The following PCDHGB1 variants were observed in gnomAD, a reference collection of about 807,000 sequenced individuals.
PCDHGB1 encodes the protein protocadherin gamma subfamily B, 1.
PCDHGB1 carries 34 observed loss-of-function variants against 56.6 expected under a neutral mutation model. That is an observed-to-expected ratio of 0.60 (90% CI 0.46 to 0.80). PCDHGB1 has a LOEUF of 0.80. Among genes scored for constraint, PCDHGB1 ranks in the 30% least tolerant of loss-of-function variants. The pLI is 0.00. For missense variants in PCDHGB1, 1,278 were observed against 1,204.6 expected (o/e 1.06, Z -0.90); for synonymous variants, 561 against 505.9 (o/e 1.11, Z -1.46).
chr5:141,414,420 C>G, intron 1 of PCDHGB1: 1 of 1,613,822 alleles, frequency 6.2e-7, no homozygotes, highest in Non-Finnish European at 8.5e-7. Flanking sequence ...GAGCCCTTGA[C>G]AGGGAACAGG....
At chr5:141,355,249 T>G in intron 1 of PCDHGB1, 1 of 1,613,288 alleles carries the variant, frequency 6.2e-7, no homozygotes, top group Non-Finnish European at 8.5e-7. Context: ...GCTCCAGATC[T>G]GCCTTCTCCT....
rs147564249 is a variant in PCDHGB1, at chr5:141,432,378, C to T, written c.2410-62429C>T. 1 of 1,614,234 alleles carries T rather than the reference C, an allele frequency of 6.2e-7. No homozygotes were observed. Among genetic ancestry groups the T allele is most frequent in the Non-Finnish European group, 8.5e-7 (1 of 1,180,044 alleles). ...GTGATGGCGCGGGACAACGGGCACCCGCCCCTCAGCAGCAACGTGTCGTTG... is the reference window on the plus strand; with the variant it reads ...GTGATGGCGCGGGACAACGGGCACCTGCCCCTCAGCAGCAACGTGTCGTTG... On this transcript the variant is annotated intron_variant, in intron 1 of 3. Coordinates refer to ENST00000523390, the MANE Select transcript of PCDHGB1 (RefSeq NM_018922.3). This position sits in a 1 kb window ranked among gnomAD's most constrained non-coding sequence, Gnocchi z 6.0.
Position 141,485,715 on chromosome 5 carries a change from A to G in PCDHGB1, c.2410-9092A>G. The G allele has an allele frequency of 6.2e-7, 1 of 1,614,114 alleles. No homozygotes were observed. Among genetic ancestry groups the G allele is most frequent in the Non-Finnish European group, 8.5e-7 (1 of 1,180,012 alleles). On this transcript the variant is annotated intron_variant, in intron 1 of 3. Transcript: ENST00000523390. The surrounding 1 kb of genome is among the most constrained non-coding windows in gnomAD (Gnocchi z 5.7). ...AGCTCCAATGAACACTTTGCACTGGATGTGAAGAAGCGCAGCGACGGCAGC... is the reference window on the plus strand; with the variant it reads ...AGCTCCAATGAACACTTTGCACTGGGTGTGAAGAAGCGCAGCGACGGCAGC...
chr5:141,492,072 C>G (rs2099736816), intron 1 of PCDHGB1: 2 of 480,040 alleles, frequency 4.2e-6, no homozygotes, highest in East Asian at 3.3e-5. Context: ...TCCTAGGCGC[C>G]GGCTCCGGCA....
chr5:141,409,928 G>C (rs2095338081), intron 1 of PCDHGB1: 1 of 1,613,354 alleles, frequency 6.2e-7, no homozygotes, highest in Non-Finnish European at 8.5e-7. Context: ...CGCGTTCTTC[G>C]ATATGGTACC....
At chr5:141,415,182 C>A (rs2095840318) in intron 1 of PCDHGB1, 1 of 1,613,842 alleles carries the variant, frequency 6.2e-7, no homozygotes, top group Admixed American at 1.7e-5. Flanking sequence ...TGGCCGTGGC[C>A]GACAGCATCC....
intron 1 of PCDHGB1, among the ~76,000 whole-genome samples, chr5:141,381,404 T>A (rs78789599): frequency 5.8e-4 from 89 of 152,360 alleles, no homozygotes; most frequent in African/African-American, 2.0e-3. Context: ...TCTATCAACA[T>A]CAGTGGAGAG....
At chr5:141,395,009 G>A (rs371216255) in intron 1 of PCDHGB1, 168 of 1,613,918 alleles carry the variant, frequency 1.0e-4, no homozygotes, top group Non-Finnish European at 1.4e-4. Flanking sequence ...GTGGCAGATT[G>A]GTAGGCGTGC....
chr5:141,430,949 GT>G (rs1391027030), intron 1 of PCDHGB1: 5 of 1,610,510 alleles, frequency 3.1e-6, no homozygotes, highest in Non-Finnish European at 4.2e-6. Flanking sequence ...GGAGCGCGGA[GT>G]CCGCATCATC....
rs753872725 is a variant in PCDHGB1, at chr5:141,423,153, C to T, written c.2409+70484C>T. ...TGGACAGAGACGCGCTCAAGCAGAG[C>T]CTCGTGGTGGCCGTCCAGGACCACG... On this transcript the variant is annotated intron_variant, in intron 1 of 3. Transcript: ENST00000523390. The T allele has an allele frequency of 3.7e-6, 6 of 1,613,482 alleles. No homozygotes were observed. The East Asian group carries it at 8.9e-5, about 24-fold the overall frequency.
chr5:141,445,991 T>C (rs532620580), intron 1 of PCDHGB1, among the ~76,000 whole-genome samples: 147 of 152,168 alleles, frequency 9.7e-4, no homozygotes, highest in Admixed American at 3.4e-3. Context: ...TAAATAGAAA[T>C]AGGAAGATAA....
Position 141,511,908 on chromosome 5 carries a change from A to T in PCDHGB1, c.*735A>T, listed in dbSNP as rs528200582. The T allele has an allele frequency of 4.5e-5, 7 of 156,536 alleles. No homozygotes were observed. The highest frequency in any genetic ancestry group is 1.9e-4 in the East Asian group (1 of 5,250). The allele number at this position is 156,536 out of a possible 1,614,324, so 9.7% of individuals were successfully genotyped here. A position where few individuals can be genotyped will look rare whatever the true frequency, so the allele number is the denominator to read the frequency against. On this transcript the variant is annotated 3_prime_UTR_variant, in exon 4 of 4. Transcript: ENST00000523390. ...GACTTCCCCCACCTCCTCCTCAAAC[A>T]AGAGACTCCACTGCATGTTCCAAGA...
At chr5:141,423,123 A>C in intron 1 of PCDHGB1, 1 of 1,613,760 alleles carries the variant, frequency 6.2e-7, no homozygotes. Flanking sequence ...CAGCGCGGGC[A>C]CTGCTGGACA....
chr5:141,364,207 C>A, intron 1 of PCDHGB1: 1 of 1,184,312 alleles, frequency 8.4e-7, no homozygotes, highest in Non-Finnish European at 1.2e-6. Context: ...ACCAGACAAG[C>A]TCCTACGAAA....
chr5:141,390,764 G>T, intron 1 of PCDHGB1: 2 of 165,996 alleles, frequency 1.2e-5, no homozygotes, highest in Non-Finnish European at 2.6e-5. Flanking sequence ...TTTGTTTCCT[G>T]TGTTAACTTC....
chr5:141,478,244 T>C lies in PCDHGB1; in HGVS notation c.2410-16563T>C, dbSNP rs758993366. ...TTCTGTGGGGTTTGTGGTCACAGTG[T>C]TCGGAGTAATCATATTCAAAGTTTA... On this transcript the variant is annotated intron_variant, in intron 1 of 3. Coordinates refer to ENST00000523390, the MANE Select transcript of PCDHGB1 (RefSeq NM_018922.3). 5 of 1,614,132 alleles carry C rather than the reference T, an allele frequency of 3.1e-6. No individual in the cohort carries two copies. In the South Asian group the frequency reaches 4.4e-5, roughly 14 times the overall value.
In PCDHGB1 at chr5:141,476,868, C is replaced by G. The variant is rs1213404395; in HGVS notation, c.2410-17939C>G. On this transcript the variant is annotated intron_variant, in intron 1 of 3. Transcript: ENST00000523390. This position sits in a 1 kb window ranked among gnomAD's most constrained non-coding sequence, Gnocchi z 7.6. Reference sequence around the variant, plus strand: ...GTCTTCAACCAGTCCTTGTACCGGGCGCGCGTCCTGGAGGATGCACCCTCC... The same window carrying G: ...GTCTTCAACCAGTCCTTGTACCGGGGGCGCGTCCTGGAGGATGCACCCTCC... 2.5e-6 allele frequency: 4 copies of G among 1,613,874 alleles called. No homozygotes were observed. Among genetic ancestry groups the G allele is most frequent in the Non-Finnish European group, 3.4e-6 (4 of 1,180,050 alleles).
Position 141,485,954 on chromosome 5 carries a change from C to T in PCDHGB1, c.2410-8853C>T, listed in dbSNP as rs2154580519. The T allele has an allele frequency of 6.2e-7, 1 of 1,614,190 alleles. No individual in the cohort carries two copies. The highest frequency in any genetic ancestry group is 8.5e-7 in the Non-Finnish European group (1 of 1,180,038). ...GGAGAGCGCACCAGCGGGCATGGTG[C>T]TCATCCAGCTCAATGCCTCAGACCC... On this transcript the variant is annotated intron_variant, in intron 1 of 3. Coordinates refer to ENST00000523390, the MANE Select transcript of PCDHGB1 (RefSeq NM_018922.3). The surrounding 1 kb of genome is among the most constrained non-coding windows in gnomAD (Gnocchi z 5.7).
chr5:141,372,076 T>C (rs1768385368), intron 1 of PCDHGB1: 4 of 1,613,690 alleles, frequency 2.5e-6, no homozygotes, highest in Non-Finnish European at 2.5e-6. Context: ...AATGCACCGC[T>C]GGTGCTGTAC....
Sources: allele counts gnomAD v4.1 joint callset (sites outside exome capture counted in the v4.1 genomes callset), GRCh38; gene constraint gnomAD v4.1.1; non-coding constraint Gnocchi (gnomAD v3.1); transcripts MANE v1.5; gene names NCBI Gene and HGNC (gene_info 2026-07-23, HGNC 2026-07-21).